Variants in EVPL observed in about 807,000 individuals in gnomAD.
The protein encoded by EVPL is 210 kDa cornified envelope precursor protein.
Under a neutral mutation model 129.7 loss-of-function variants are expected in EVPL, and 94 were observed. That is an observed-to-expected ratio of 0.72 (90% CI 0.61 to 0.86). The LOEUF (loss-of-function observed/expected upper bound fraction) is 0.86. Ranked by LOEUF, EVPL falls within the 40% of genes least tolerant of loss-of-function variation. EVPL has a pLI of 0.00. For missense variants in EVPL, 2,625 were observed against 2,721.1 expected (o/e 0.96, Z 0.79); for synonymous variants, 1,172 against 1,191.1 (o/e 0.98, Z 0.33).
rs1201562987 is a variant in EVPL at position 76,010,227 on chromosome 17, A to G, written c.2978T>C (p.Leu993Pro). ...CACGACCTTCTGGGCTGCCACTTCC[A>G]GGTCTGCCTGCAGGCCAGCCCGCCG... is the stretch of plus-strand genomic sequence containing the variant. ...GKRRAGLQAD[L>P]EVAAQKVVQL... The change falls in exon 22 of 22, where the codon CTG becomes CCG. Residue 993 changes from leucine to proline, a missense_variant. Around this residue, in one of 4 missense-constraint regions of EVPL, gnomAD observed 1,453 missense variants for 1,511.8 expected, o/e 0.96. Coordinates refer to ENST00000301607, the MANE Select transcript of EVPL (RefSeq NM_001988.4). The G allele has an allele frequency of 5.0e-6, 8 of 1,613,688 alleles. No individual in the cohort carries two copies. Among genetic ancestry groups the G allele is most frequent in the Non-Finnish European group, 6.8e-6 (8 of 1,179,984 alleles).
chr17:76,012,248 C>T, intron 18 of EVPL, 159 bp from the exon 19 acceptor site: 1 of 577,480 alleles, frequency 1.7e-6, no homozygotes, highest in Non-Finnish European at 3.1e-6. Context: ...CTTTCCCTGA[C>T]ATCATTCTCT....
In EVPL at chr17:76,018,268, AGAG is replaced by A; in HGVS notation, c.1440-13_1440-11del. 1 of 1,533,150 alleles carries A rather than the reference AGAG, an allele frequency of 6.5e-7. No homozygotes were observed. The highest frequency in any genetic ancestry group is 8.8e-7 in the Non-Finnish European group (1 of 1,136,516). 95.0% of individuals were successfully genotyped at this position (1,533,150 alleles called of 1,614,324 possible). ...CAGCTCTGAGGCCAGCCTAGAATGA[AGAG>A]GAGATTGAAGAAAGAGGTCCCCACT... On this transcript the variant is annotated splice_polypyrimidine_tract_variant and intron_variant, in intron 12 of 21. Transcript: ENST00000301607.
At position 76,022,630 on chromosome 17, in the gene EVPL, C is replaced by A; in HGVS notation, c.481-92G>T. The A allele has an allele frequency of 1.3e-6, 2 of 1,488,434 alleles. No individual in the cohort carries two copies. Among genetic ancestry groups the A allele is most frequent in the Admixed American group, 2.1e-5 (1 of 46,876 alleles). 92.2% of individuals were successfully genotyped at this position (1,488,434 alleles called of 1,614,324 possible). A position where few individuals can be genotyped will look rare whatever the true frequency, so the allele number is the denominator to read the frequency against. Reference sequence around the variant, plus strand: ...TCCCACCCGGAGAAGTGGACTTGGTCATTTGGGCAGAGCGTGGACGAGCCT... The same window carrying A: ...TCCCACCCGGAGAAGTGGACTTGGTAATTTGGGCAGAGCGTGGACGAGCCT... On this transcript the variant is annotated intron_variant, in intron 4 of 21. Transcript: ENST00000301607. The surrounding 1 kb of genome is among the most constrained non-coding windows in gnomAD (Gnocchi z 5.6).
rs780821310 is a variant in EVPL at position 76,008,957 on chromosome 17, C to A, written c.4248G>T (p.Val1416=). 19 of 1,611,834 alleles carry A rather than the reference C, an allele frequency of 1.2e-5. 1 individual carries two copies. In the South Asian group the frequency reaches 2.1e-4, roughly 18 times the overall value. ...AGCTGAGCAGGCCCTCCTGCTCCTC[C>A]ACGCCGGCCCGCAGCTGCTGCACCT... ...ELEVQQLRAG[V]EEQEGLLSFQ... The change falls in exon 22 of 22, where the codon GTG becomes GTT. Residue 1416 remains valine, a synonymous_variant. Coordinates refer to ENST00000301607, the MANE Select transcript of EVPL (RefSeq NM_001988.4). This position sits in a 1 kb window ranked among gnomAD's most constrained non-coding sequence, Gnocchi z 7.4.
At chr17:76,016,659 A>G (rs544330485) in intron 14 of EVPL, among the ~76,000 whole-genome samples, 1 of 152,252 alleles carries the variant, frequency 6.6e-6, no homozygotes, top group African/African-American at 2.4e-5. Flanking sequence ...CATGCCTGTA[A>G]TCCTAGCACT....
intron 15 of EVPL, 33 bp downstream of exon 15, chr17:76,015,417 C>A: frequency 6.2e-7 from 1 of 1,605,804 alleles, no homozygotes. Flanking sequence ...ACGCTGCTGC[C>A]CTGCGTGGCT....
rs2066484267 is a variant in EVPL, at chr17:76,024,270, C to T, written c.99-150G>A. ...TTGGGGTCTCTCTCTGCAGAAGGCT[C>T]TGTGAGCTAGTCCTGGTTGGGGGTG... is the stretch of plus-strand genomic sequence containing the variant. On this transcript the variant is annotated intron_variant, in intron 1 of 21. Coordinates refer to ENST00000301607, the MANE Select transcript of EVPL (RefSeq NM_001988.4). This position sits in a 1 kb window ranked among gnomAD's most constrained non-coding sequence, Gnocchi z 4.5. The T allele has an allele frequency of 1.4e-6, 1 of 719,060 alleles. No individual in the cohort carries two copies. Among genetic ancestry groups the T allele is most frequent in the African/African-American group, 1.8e-5 (1 of 57,098 alleles). The allele number at this position is 719,060 out of a possible 1,614,324, so 44.5% of individuals were successfully genotyped here.
In EVPL at chr17:76,013,154, G is replaced by A. The variant is rs948365168; in HGVS notation, c.2374-1065C>T. ...CGGGATGCCCACTTTTATTCACCTGGGAACTTAATATACTGATGCTCTGAC... is the reference window on the plus strand; with the variant it reads ...CGGGATGCCCACTTTTATTCACCTGAGAACTTAATATACTGATGCTCTGAC... On this transcript the variant is annotated intron_variant, in intron 18 of 21. Coordinates refer to ENST00000301607, the MANE Select transcript of EVPL (RefSeq NM_001988.4). This position sits in a 1 kb window ranked among gnomAD's most constrained non-coding sequence, Gnocchi z 4.3. Among the ~76,000 whole-genome samples the A allele has an allele frequency of 6.6e-6, 1 of 152,166 alleles. No individual in the cohort carries two copies. The highest frequency in any genetic ancestry group is 2.4e-5 in the African/African-American group (1 of 41,424).
intron 14 of EVPL, among the ~76,000 whole-genome samples, chr17:76,016,424 C>T (rs748558665): frequency 6.6e-6 from 1 of 152,220 alleles, no homozygotes; most frequent in Non-Finnish European, 1.5e-5. Flanking sequence ...CACCCACCGC[C>T]CAGTCTAACT....
At position 76,021,600 on chromosome 17, in the gene EVPL, C is replaced by CCA. The variant is rs757878635; in HGVS notation, c.916-38_916-37insTG. 6.5e-4 allele frequency: 953 copies of CCA among 1,458,024 alleles called. 4 individuals carry two copies. The highest frequency in any genetic ancestry group is 3.4e-3 in the South Asian group (276 of 80,326). 90.3% of individuals were successfully genotyped at this position (1,458,024 alleles called of 1,614,324 possible). ...AGCATGGAGCCCTCGGACCACGCCC[C>CCA]CCCCACGTCCGCCCCACCTCCCCCC... On this transcript the variant is annotated intron_variant, in intron 8 of 21. Transcript: ENST00000301607.
chr17:76,018,861 G>A, intron 11 of EVPL, 53 bp downstream of exon 11: 2 of 1,271,266 alleles, frequency 1.6e-6, no homozygotes, highest in South Asian at 3.0e-5. Flanking sequence ...AGGGGCAGGG[G>A]ATGGGTTGGG....
intron 14 of EVPL, among the ~76,000 whole-genome samples, chr17:76,016,226 C>T (rs1275091626): frequency 6.6e-6 from 1 of 152,236 alleles, no homozygotes; most frequent in Non-Finnish European, 1.5e-5. Flanking sequence ...CAGTGAGCGC[C>T]AGGCACAGTT....
chr17:76,019,685 T>C, intron 9 of EVPL, 32 bp from the exon 10 acceptor site: 1 of 1,600,758 alleles, frequency 6.2e-7, no homozygotes, highest in Non-Finnish European at 8.5e-7. Context: ...GGGCAGAGCC[T>C]CGTGCAACCT....
chr17:76,007,358 C>T lies in EVPL; in HGVS notation c.5847G>A (p.Arg1949=). 1 of 1,590,598 alleles carries T rather than the reference C, an allele frequency of 6.3e-7. No individual in the cohort carries two copies. The highest frequency in any genetic ancestry group is 8.6e-7 in the Non-Finnish European group (1 of 1,164,684). ...CCTGCTGGATGGGGATGCGGCCTGTCCTCTTGGGGTCGATGAGCCCCCCGG... is the reference window on the plus strand; with the variant it reads ...CCTGCTGGATGGGGATGCGGCCTGTTCTCTTGGGGTCGATGAGCCCCCCGG... The part of the protein sequence containing the change: ...HLTGGLIDPK[R]TGRIPIQQAL... Residue 1949 remains arginine, a synonymous_variant, in exon 22 of 22, where the codon AGG becomes AGA. Transcript: ENST00000301607. This position sits in a 1 kb window ranked among gnomAD's most constrained non-coding sequence, Gnocchi z 8.8.
intron 9 of EVPL, among the ~76,000 whole-genome samples, chr17:76,020,176 C>T (rs111954206): frequency 6.6e-6 from 1 of 151,114 alleles, no homozygotes; most frequent in Non-Finnish European, 1.5e-5. Flanking sequence ...CCAGATAAAC[C>T]TAAACCAGCT....
chr17:76,012,398 G>A (rs1036463956), intron 18 of EVPL: 1 of 275,772 alleles, frequency 3.6e-6, no homozygotes, highest in Non-Finnish European at 6.8e-6. Flanking sequence ...GGGTTCAAGC[G>A]ATTTTCATGC....
chr17:76,010,148 G>A lies in EVPL; in HGVS notation c.3057C>T (p.Val1019=). Residue 1019 remains valine (V), a synonymous_variant, in exon 22 of 22, where the codon GTC becomes GTT. Coordinates refer to ENST00000301607, the MANE Select transcript of EVPL (RefSeq NM_001988.4). ...GGCCGGGGTCCCTCTCCACCTGGGTGACCTCCTTGGTCAGCAGATGAGGCT... is the reference window on the plus strand; with the variant it reads ...GGCCGGGGTCCCTCTCCACCTGGGTAACCTCCTTGGTCAGCAGATGAGGCT... ...TMQPHLLTKE[V]TQVERDPGLD... The A allele has an allele frequency of 4.3e-6, 7 of 1,614,092 alleles. No homozygotes were observed. Among genetic ancestry groups the A allele is most frequent in the Non-Finnish European group, 5.9e-6 (7 of 1,180,026 alleles).
At position 76,007,605 on chromosome 17, in the gene EVPL, C is replaced by T; in HGVS notation, c.5600G>A (p.Gly1867Asp). The T allele has an allele frequency of 1.2e-6, 2 of 1,613,878 alleles. No individual in the cohort carries two copies. Among genetic ancestry groups the T allele is most frequent in the Non-Finnish European group, 1.7e-6 (2 of 1,180,032 alleles). ...CTCACGGCTGAGCAGGTCCACGATGCCCCCTGTGGCCGCCTGGGCCTCCAG... is the reference window on the plus strand; with the variant it reads ...CTCACGGCTGAGCAGGTCCACGATGTCCCCTGTGGCCGCCTGGGCCTCCAG... ...KLLEAQAATG[G>D]IVDLLSRERY... Residue 1867 changes from glycine to aspartate, a missense_variant, in exon 22 of 22, where the codon GGC becomes GAC. Physicochemically the swap from Gly to Asp is moderately conservative, Grantham distance 94. This residue lies in a region of EVPL where 1,453 missense variants were observed against 1,511.8 expected (regional missense o/e 0.96). Coordinates refer to ENST00000301607, the MANE Select transcript of EVPL (RefSeq NM_001988.4). This position sits in a 1 kb window ranked among gnomAD's most constrained non-coding sequence, Gnocchi z 8.8.
At position 76,024,087 on chromosome 17, in the gene EVPL, G is replaced by A; in HGVS notation, c.132C>T (p.Ser44=). 1.2e-6 allele frequency: 2 copies of A among 1,613,864 alleles called. No individual in the cohort carries two copies. Among genetic ancestry groups the A allele is most frequent in the South Asian group, 2.2e-5 (2 of 91,052 alleles). Reference sequence around the variant, plus strand: ...CCTGGTCGGCGTTGGCTTGCATGCGGGAGATGAGAAGGGCCAGCTCCTGGG... The same window carrying A: ...CCTGGTCGGCGTTGGCTTGCATGCGAGAGATGAGAAGGGCCAGCTCCTGGG... ...AATQELALLI[S]RMQANADQVE... is the part of the protein sequence containing the mutation. The change falls in exon 2 of 22, where the codon TCC becomes TCT. Residue 44 remains serine, a synonymous_variant. Transcript: ENST00000301607. The surrounding 1 kb of genome is among the most constrained non-coding windows in gnomAD (Gnocchi z 4.5).
Sources: gnomAD v4.1 joint callset for allele counts (sites outside exome capture counted in the v4.1 genomes callset) on GRCh38, gnomAD v4.1.1 for gene constraint, gnomAD v4.1.1 regional missense constraint, Gnocchi (gnomAD v3.1) non-coding constraint, MANE v1.5 for transcripts, NCBI Gene and HGNC (gene_info 2026-07-23, HGNC 2026-07-21) for gene names.